Variants in CDH13 observed in about 807,000 individuals in gnomAD.
CDH13 encodes the protein cadherin 13, also known as cadherin-13.
A neutral mutation model predicts 63.8 loss-of-function variants in CDH13; 24 were observed. The ratio of observed to expected loss-of-function variants is 0.38; its 90% CI spans 0.27 to 0.53. The LOEUF (loss-of-function observed/expected upper bound fraction) is 0.53, where lower values mean the gene tolerates loss of function less well. Ranked by LOEUF, CDH13 falls within the 20% of genes least tolerant of loss-of-function variation. The probability of loss-of-function intolerance (pLI) is 0.85; values close to 1 mark genes in which losing one functional copy is unlikely to be tolerated. For synonymous variants in CDH13, 503 were observed against 355.3 expected (o/e 1.42, Z -4.67); for missense variants, 1,049 against 903.1 (o/e 1.16, Z -2.07).
intron 8 of CDH13, among the ~76,000 whole-genome samples, chr16:83,669,209 G>C (rs1353122652): frequency 2.0e-5 from 3 of 152,060 alleles, no homozygotes; most frequent in Non-Finnish European, 4.4e-5. Flanking sequence ...GCTCCAACCT[G>C]GCTAGAGGAC....
intron 5 of CDH13, among the ~76,000 whole-genome samples, chr16:83,279,956 C>T (rs1040720395): frequency 2.0e-5 from 3 of 151,950 alleles, no homozygotes; most frequent in Admixed American, 1.3e-4. Flanking sequence ...ATTAAAAATA[C>T]GTTATAACTA....
At chr16:82,843,565 C>A (rs755168466) in intron 1 of CDH13, among the ~76,000 whole-genome samples, 9 of 151,974 alleles carry the variant, frequency 5.9e-5, no homozygotes, top group East Asian at 1.9e-4. Flanking sequence ...GAGTGAGAAC[C>A]TTTAGCAGAA....
chr16:82,880,232 C>G (rs1047778774), intron 2 of CDH13, among the ~76,000 whole-genome samples: 2 of 152,050 alleles, frequency 1.3e-5, no homozygotes, highest in African/African-American at 4.8e-5. Context: ...GTGCAGCGTC[C>G]TCATGCTTCT....
At chr16:83,438,110 A>G (rs557253783) in intron 6 of CDH13, among the ~76,000 whole-genome samples, 32 of 152,214 alleles carry the variant, frequency 2.1e-4, no homozygotes, top group Non-Finnish European at 2.8e-4. Flanking sequence ...AACCCCTTTC[A>G]TGACTTAAGA....
At chr16:82,898,831 G>T (rs1009756098) in intron 2 of CDH13, among the ~76,000 whole-genome samples, 1 of 151,906 alleles carries the variant, frequency 6.6e-6, no homozygotes, top group Non-Finnish European at 1.5e-5. Flanking sequence ...TCTCAAGTTG[G>T]GTTTTCTAGG....
chr16:83,702,089 C>G (rs1227131331), intron 10 of CDH13, among the ~76,000 whole-genome samples: 2 of 152,200 alleles, frequency 1.3e-5, no homozygotes, highest in East Asian at 1.9e-4. Flanking sequence ...TTATTGTAAT[C>G]TGTCAAGAAT....
At chr16:83,540,570 T>G (rs1223985456) in intron 7 of CDH13, among the ~76,000 whole-genome samples, 2 of 152,206 alleles carry the variant, frequency 1.3e-5, no homozygotes, top group Admixed American at 6.5e-5. Context: ...AAACAGTTTC[T>G]TTTGTCTTAA....
chr16:83,413,502 T>G (rs1386906158), intron 6 of CDH13, among the ~76,000 whole-genome samples: 1 of 152,188 alleles, frequency 6.6e-6, no homozygotes, highest in Non-Finnish European at 1.5e-5. Context: ...GGAATAAATT[T>G]CATTATGCAA....
chr16:82,710,552 A>AAAAATATATATATATATAT (rs60196638), intron 1 of CDH13, among the ~76,000 whole-genome samples: 6 of 63,768 alleles, frequency 9.4e-5, no homozygotes, highest in Non-Finnish European at 1.5e-4. Context: ...AAAAAAAAAA[A>AAAAATATATATATATATAT]ATATATATAT....
At chr16:82,639,382 G>A (rs2150883640) in intron 1 of CDH13, 3 of 1,535,492 alleles carry the variant, frequency 2.0e-6, no homozygotes, top group Non-Finnish European at 2.6e-6. Flanking sequence ...CACCTGCACT[G>A]CATGGTTCCC....
At chr16:83,525,349 T>C (rs1430280936) in intron 7 of CDH13, among the ~76,000 whole-genome samples, 1 of 152,208 alleles carries the variant, frequency 6.6e-6, no homozygotes, top group Non-Finnish European at 1.5e-5. Context: ...CAACGTAAAA[T>C]AAGCTTTAGT....
At chr16:83,245,182 C>A (rs1904867902) in intron 5 of CDH13, among the ~76,000 whole-genome samples, 1 of 151,956 alleles carries the variant, frequency 6.6e-6, no homozygotes, top group Admixed American at 6.6e-5. Flanking sequence ...TTTTAAGCTG[C>A]TTTCTTTACC....
intron 10 of CDH13, among the ~76,000 whole-genome samples, chr16:83,687,037 C>T (rs967229891): frequency 5.3e-5 from 8 of 152,058 alleles, no homozygotes; most frequent in African/African-American, 1.7e-4. Flanking sequence ...TGGTGAAACC[C>T]CATCTGTACT....
chr16:83,498,142 T>A (rs1041061915), intron 7 of CDH13, among the ~76,000 whole-genome samples: 5 of 152,136 alleles, frequency 3.3e-5, no homozygotes, highest in African/African-American at 1.2e-4. Flanking sequence ...AATGGCTACT[T>A]TCATTATGTT....
chr16:83,510,149 A>G (rs1259812009), intron 7 of CDH13, among the ~76,000 whole-genome samples: 1 of 152,242 alleles, frequency 6.6e-6, no homozygotes, highest in Admixed American at 6.5e-5. Context: ...GTAAGAAATA[A>G]AAGCAAAACA....
intron 1 of CDH13, among the ~76,000 whole-genome samples, chr16:82,740,563 G>C (rs946822069): frequency 1.3e-5 from 2 of 152,162 alleles, no homozygotes; most frequent in Non-Finnish European, 2.9e-5. Flanking sequence ...AGGCTGAGGG[G>C]TTGGCTGATC....
intron 2 of CDH13, among the ~76,000 whole-genome samples, chr16:82,881,987 C>T (rs2040719347): frequency 6.6e-6 from 1 of 152,060 alleles, no homozygotes. Context: ...TTCAAGTTCC[C>T]CATTATTAAC....
At chr16:82,696,709 C>T (rs1310075179) in intron 1 of CDH13, among the ~76,000 whole-genome samples, 4 of 152,186 alleles carry the variant, frequency 2.6e-5, no homozygotes, top group Non-Finnish European at 5.9e-5. Context: ...GGGATGCTAT[C>T]TATGTATGTT....
intron 9 of CDH13, among the ~76,000 whole-genome samples, chr16:83,675,488 T>C (rs887719196): frequency 4.6e-5 from 7 of 152,178 alleles, no homozygotes; most frequent in East Asian, 1.9e-4. Flanking sequence ...CCTGGGAACA[T>C]AGGAGAAACA....
Sources: allele counts gnomAD v4.1 joint callset (sites outside exome capture counted in the v4.1 genomes callset), GRCh38; gene constraint gnomAD v4.1.1; transcripts MANE v1.5; gene names NCBI Gene and HGNC (gene_info 2026-07-23, HGNC 2026-07-21).